Variants in DCP1A observed in about 807,000 individuals in gnomAD.
The protein encoded by DCP1A is mRNA-decapping enzyme 1A.
DCP1A carries 20 observed loss-of-function variants against 58.0 expected under a neutral mutation model. The ratio of observed to expected loss-of-function variants is 0.34; its 90% CI spans 0.24 to 0.50. DCP1A has a LOEUF of 0.50. DCP1A is among the 20% of genes least tolerant of loss of function. DCP1A has a pLI of 0.98. For missense variants in DCP1A, 613 were observed against 712.2 expected, an observed-to-expected ratio of 0.86 and a Z score of 1.59; for synonymous variants, 285 against 275.1, an observed-to-expected ratio of 1.04 and a Z score of -0.36.
chr3:53,330,130 T>C (rs2088958954), intron 3 of DCP1A, among the ~76,000 whole-genome samples: 1 of 152,184 alleles, frequency 6.6e-6, no homozygotes, highest in Non-Finnish European at 1.5e-5. Flanking sequence ...AAGCAATAAC[T>C]CTCAAATCAC....
intron 6 of DCP1A, among the ~76,000 whole-genome samples, chr3:53,294,577 T>C (rs1252183127): frequency 6.6e-6 from 1 of 152,144 alleles, no homozygotes; most frequent in East Asian, 1.9e-4. Context: ...AACACAAAGA[T>C]GGTAATACAA....
intron 4 of DCP1A, among the ~76,000 whole-genome samples, chr3:53,318,149 C>A (rs944584220): frequency 1.3e-5 from 2 of 151,884 alleles, no homozygotes; most frequent in African/African-American, 2.4e-5. Flanking sequence ...ACCCACCCCC[C>A]AAAAAATTAG....
At chr3:53,316,644 TA>T (rs1707823963) in intron 4 of DCP1A, among the ~76,000 whole-genome samples, 1 of 145,074 alleles carries the variant, frequency 6.9e-6, no homozygotes, top group Non-Finnish European at 1.5e-5. Flanking sequence ...AGTCTTGCTA[TA>T]TCAGGCCAGG....
At chr3:53,339,771 T>A (rs1211881117) in intron 3 of DCP1A, among the ~76,000 whole-genome samples, 1 of 152,128 alleles carries the variant, frequency 6.6e-6, no homozygotes, top group East Asian at 1.9e-4. Context: ...AAATGGTAAC[T>A]GGGTCCGGAT....
At position 53,327,819 on chromosome 3, in the gene DCP1A, A is replaced by C. The variant is rs570179914; in HGVS notation, c.305-8346T>G. Among the ~76,000 whole-genome samples, 89 of 145,914 alleles carry C rather than the reference A, an allele frequency of 6.1e-4. 1 individual carries two copies. In the East Asian group the frequency reaches 0.011, roughly 19 times the overall value. ...AAAACAAAACAAAACAACAACAAAAAAACAACAACAACAAAAACAAAGGCC... is the reference window on the plus strand; with the variant it reads ...AAAACAAAACAAAACAACAACAAAACAACAACAACAACAAAAACAAAGGCC... On this transcript the variant is annotated intron_variant, in intron 3 of 9. Coordinates refer to ENST00000610213, the MANE Select transcript of DCP1A (RefSeq NM_018403.7).
intron 3 of DCP1A, chr3:53,333,043 G>A (rs1402398995): frequency 6.6e-6 from 1 of 151,312 alleles, no homozygotes; most frequent in Non-Finnish European, 1.5e-5. Flanking sequence ...CTAAAAGTAG[G>A]ATTTTTTTTT....
rs900944896 is a variant in DCP1A, at chr3:53,307,104, A to G, written c.511-2814T>C. 4.0e-5 allele frequency among the ~76,000 whole-genome samples: 6 copies of G among 151,554 alleles called. No individual in the cohort carries two copies. The South Asian group carries it at 1.3e-3, about 32-fold the overall frequency. ...GCTGGGACTATAGGCACATACCACC[A>G]CACCCAGCTAATTTTTCTATTTTTA... is the stretch of plus-strand genomic sequence containing the variant. On this transcript the variant is annotated intron_variant, in intron 5 of 9. Coordinates refer to ENST00000610213, the MANE Select transcript of DCP1A (RefSeq NM_018403.7).
At chr3:53,326,294 T>C (rs1189257198) in intron 3 of DCP1A, among the ~76,000 whole-genome samples, 6 of 152,208 alleles carry the variant, frequency 3.9e-5, no homozygotes, top group Non-Finnish European at 5.9e-5. Context: ...AACTGATTAC[T>C]CCCACTTGCA....
At chr3:53,342,345 TA>T (rs1461878372) in intron 2 of DCP1A, 74 bp from the exon 3 acceptor site, 6 of 1,118,330 alleles carry the variant, frequency 5.4e-6, no homozygotes, top group Non-Finnish European at 7.6e-6. Flanking sequence ...CTATGTACTT[TA>T]TTTTCATTTC....
chr3:53,332,370 C>T (rs1553691394), intron 3 of DCP1A, among the ~76,000 whole-genome samples: 2 of 152,170 alleles, frequency 1.3e-5, no homozygotes, highest in African/African-American at 4.8e-5. Context: ...TCCTAGGAAA[C>T]TGTCTTTATC....
At chr3:53,328,895 G>A (rs2106871314) in intron 3 of DCP1A, 1 of 152,996 alleles carries the variant, frequency 6.5e-6, no homozygotes, top group East Asian at 1.9e-4. Flanking sequence ...AGTTGCCACA[G>A]ACCCTTTCTC....
At chr3:53,296,170 C>T (rs1000001319) in intron 6 of DCP1A, among the ~76,000 whole-genome samples, 3 of 152,102 alleles carry the variant, frequency 2.0e-5, no homozygotes, top group Non-Finnish European at 4.4e-5. Flanking sequence ...GCTGGGATTA[C>T]AGGCATGAGC....
At chr3:53,310,250 C>T (rs183150943) in intron 5 of DCP1A, among the ~76,000 whole-genome samples, 4 of 152,354 alleles carry the variant, frequency 2.6e-5, no homozygotes, top group Non-Finnish European at 5.9e-5. Context: ...AACTATCATG[C>T]TATCTATATT....
At chr3:53,302,774 T>A (rs1187823379) in intron 6 of DCP1A, among the ~76,000 whole-genome samples, 4 of 151,606 alleles carry the variant, frequency 2.6e-5, no homozygotes, top group Admixed American at 2.6e-4. Context: ...CTGGTGTCTA[T>A]TACCACACCC....
intron 5 of DCP1A, among the ~76,000 whole-genome samples, chr3:53,308,346 G>A (rs763489072): frequency 9.2e-5 from 14 of 152,028 alleles, no homozygotes; most frequent in Non-Finnish European, 1.5e-4. Context: ...CCAGGCTGGA[G>A]TGCAGTGGCA....
chr3:53,327,123 T>C lies in DCP1A; in HGVS notation c.305-7650A>G, dbSNP rs556307316. On this transcript the variant is annotated intron_variant, in intron 3 of 9. Coordinates refer to ENST00000610213, the MANE Select transcript of DCP1A (RefSeq NM_018403.7). Reference sequence around the variant, plus strand: ...TTCCCATTTCCTAGGCTTCCAAAAATCTATAGTTAGGGATCTGGGAAATAG... The same window carrying C: ...TTCCCATTTCCTAGGCTTCCAAAAACCTATAGTTAGGGATCTGGGAAATAG... Among the ~76,000 whole-genome samples the C allele has an allele frequency of 7.9e-5, 12 of 152,076 alleles. 1 individual carries two copies. The highest frequency in any genetic ancestry group is 1.7e-4 in the African/African-American group (7 of 41,444).
In DCP1A at chr3:53,292,683, A is replaced by G. The variant is rs2106796243; in HGVS notation, c.769T>C (p.Phe257Leu). Residue 257 changes from phenylalanine to leucine, a missense_variant, in exon 7 of 10, where the codon TTC becomes CTC. Physicochemically the swap from Phe to Leu is conservative, Grantham distance 22. Coordinates refer to ENST00000610213, the MANE Select transcript of DCP1A (RefSeq NM_018403.7). ...AACTGCTCAAAGGGAAATGGTAGGAATGAATTGGGCTCTTTCTGGGAGGCA... is the reference window on the plus strand; with the variant it reads ...AACTGCTCAAAGGGAAATGGTAGGAGTGAATTGGGCTCTTTCTGGGAGGCA... ...GDASQKEPNS[F>L]LPFPFEQLGG... 5 of 1,613,792 alleles carry G rather than the reference A, an allele frequency of 3.1e-6. No homozygotes were observed. Among genetic ancestry groups the G allele is most frequent in the Non-Finnish European group, 4.2e-6 (5 of 1,179,822 alleles).
chr3:53,320,858 C>T (rs981956219), intron 3 of DCP1A, among the ~76,000 whole-genome samples: 3 of 152,204 alleles, frequency 2.0e-5, no homozygotes, highest in African/African-American at 4.8e-5. Flanking sequence ...TATTATATTA[C>T]ATAAATGAAA....
chr3:53,322,467 T>TA (rs1707996862), intron 3 of DCP1A, among the ~76,000 whole-genome samples: 2 of 148,890 alleles, frequency 1.3e-5, no homozygotes, highest in South Asian at 4.2e-4. Context: ...AAAAAAAAAA[T>TA]TATATATATA....
Sources: allele counts gnomAD v4.1 joint callset (sites outside exome capture counted in the v4.1 genomes callset), GRCh38; gene constraint gnomAD v4.1.1; transcripts MANE v1.5; gene names NCBI Gene and HGNC (gene_info 2026-07-23, HGNC 2026-07-21).